The following NRG1 variants were observed in gnomAD, a reference collection of about 807,000 sequenced individuals.
NRG1 encodes the protein neuregulin 1.
In NRG1, 18 loss-of-function variants were observed where a neutral mutation model predicts 63.8. The observed-to-expected ratio is 0.28, with a 90% CI of 0.19 to 0.42. The LOEUF (loss-of-function observed/expected upper bound fraction) is 0.42, where lower values mean the gene tolerates loss of function less well. Ranked by LOEUF, NRG1 falls within the 10% of genes least tolerant of loss-of-function variation. NRG1 has a pLI of 1.00. For missense variants in NRG1, 762 were observed against 814.7 expected (o/e 0.94, Z 0.79); for synonymous variants, 302 against 301.3 (o/e 1.00, Z -0.02).
chr8:32,135,497 C>T (rs745973626), intron 1 of NRG1, among the ~76,000 whole-genome samples: 1 of 151,894 alleles, frequency 6.6e-6, no homozygotes, highest in Non-Finnish European at 1.5e-5. Flanking sequence ...ACTGGCTTAG[C>T]AGGGTGGGCA....
intron 1 of NRG1, among the ~76,000 whole-genome samples, chr8:32,356,780 C>T (rs1486877884): frequency 6.6e-6 from 1 of 152,138 alleles, no homozygotes; most frequent in Non-Finnish European, 1.5e-5. Context: ...CAAGACACAC[C>T]CATTGATCTC....
intron 1 of NRG1, among the ~76,000 whole-genome samples, chr8:32,293,762 C>T (rs1481743288): frequency 7.0e-6 from 1 of 143,706 alleles, no homozygotes; most frequent in African/African-American, 2.6e-5. Flanking sequence ...CTCTGTCGCC[C>T]AGGCTGGAGA....
chr8:31,919,810 T>C (rs908728536), intron 1 of NRG1, among the ~76,000 whole-genome samples: 1 of 152,152 alleles, frequency 6.6e-6, no homozygotes, highest in Non-Finnish European at 1.5e-5. Flanking sequence ...TGTGTGCCCA[T>C]ACATTTATTA....
At chr8:32,081,180 A>C (rs995335) in intron 1 of NRG1, among the ~76,000 whole-genome samples, 9,608 of 152,178 alleles carry the variant, frequency 0.063, 910 homozygotes, top group African/African-American at 0.2. Flanking sequence ...AAGTTGACAC[A>C]CTGAACTGAC....
chr8:32,051,465 G>C lies in NRG1; in HGVS notation c.37+412034G>C, dbSNP rs185725977. Among the ~76,000 whole-genome samples the C allele has an allele frequency of 4.6e-5, 7 of 152,262 alleles. No homozygotes were observed. In the East Asian group the frequency reaches 1.4e-3, roughly 29 times the overall value. ...CTTTGACTATCTGTCATTTCTATGT[G>C]TTACATGCTGTGATACTGATAAAGA... On this transcript the variant is annotated intron_variant, in intron 1 of 10. Coordinates refer to the NRG1 transcript ENST00000519301.
intron 1 of NRG1, among the ~76,000 whole-genome samples, chr8:32,109,137 T>G (rs12056821): frequency 0.24 from 35,775 of 152,124 alleles, 4,825 homozygotes; most frequent in East Asian, 0.51. Flanking sequence ...GCCATGATAA[T>G]AGAAAAGCTT....
At chr8:32,156,632 C>A (rs1259951481) in intron 1 of NRG1, among the ~76,000 whole-genome samples, 1 of 152,194 alleles carries the variant, frequency 6.6e-6, no homozygotes, top group African/African-American at 2.4e-5. Context: ...TGGTTGGAAC[C>A]ATAGAAGGCA....
intron 1 of NRG1, among the ~76,000 whole-genome samples, chr8:31,694,251 C>T (rs916766712): frequency 2.6e-5 from 4 of 152,174 alleles, no homozygotes; most frequent in African/African-American, 4.8e-5. Context: ...CTTGAAGTCT[C>T]TCTATGCTAG....
At chr8:32,627,910 G>A (rs930945000) in intron 5 of NRG1, among the ~76,000 whole-genome samples, 2 of 152,054 alleles carry the variant, frequency 1.3e-5, no homozygotes, top group Admixed American at 6.6e-5. Flanking sequence ...GGGAATTAAG[G>A]TATATTAAAA....
At chr8:32,065,651 T>A (rs144247849) in intron 1 of NRG1, among the ~76,000 whole-genome samples, 3,172 of 152,338 alleles carry the variant, frequency 0.021, 40 homozygotes, top group South Asian at 0.039. Context: ...AACATACCTG[T>A]GCATGGGTCT....
chr8:32,506,129 A>G (rs771794550), intron 1 of NRG1, among the ~76,000 whole-genome samples: 44 of 152,212 alleles, frequency 2.9e-4, no homozygotes, highest in Admixed American at 4.6e-4. Flanking sequence ...GTACATCTGT[A>G]GTCTCAGCTA....
At chr8:32,108,149 T>C (rs188306912) in intron 1 of NRG1, among the ~76,000 whole-genome samples, 3 of 152,292 alleles carry the variant, frequency 2.0e-5, no homozygotes, top group African/African-American at 7.2e-5. Flanking sequence ...AAAGAAGTCC[T>C]CACCCTCATC....
chr8:32,364,957 C>CTTTTGTTTTTT (rs1807748066), intron 1 of NRG1, among the ~76,000 whole-genome samples: 1 of 108,462 alleles, frequency 9.2e-6, no homozygotes, highest in East Asian at 3.1e-4. Context: ...CCCTTTACTA[C>CTTTTGTTTTTT]TTTTTTTTTT....
chr8:32,150,186 GA>G (rs1453832381), intron 1 of NRG1, among the ~76,000 whole-genome samples: 3 of 118,598 alleles, frequency 2.5e-5, no homozygotes, highest in Non-Finnish European at 6.2e-5. Context: ...TTATGTACAT[GA>G]AGGGAAAAAA....
At chr8:32,280,926 AT>A (rs202130542) in intron 1 of NRG1, among the ~76,000 whole-genome samples, 1 of 149,366 alleles carries the variant, frequency 6.7e-6, no homozygotes, top group African/African-American at 2.5e-5. Context: ...TGCTCAGCTA[AT>A]TTTTTGTATT....
intron 1 of NRG1, among the ~76,000 whole-genome samples, chr8:32,284,531 CTTCCTTCCTTCT>C (rs1853291477): frequency 1.3e-5 from 2 of 150,444 alleles, no homozygotes; most frequent in Non-Finnish European, 3.0e-5. Flanking sequence ...TCCTTCCTTC[CTTCCTTCCTTCT>C]TTCTTTCCAC....
At chr8:32,717,150 A>G (rs1216626869) in intron 5 of NRG1, among the ~76,000 whole-genome samples, 1 of 152,144 alleles carries the variant, frequency 6.6e-6, no homozygotes, top group Non-Finnish European at 1.5e-5. Context: ...CTACCTCCCC[A>G]TGGCCTATTT....
chr8:32,496,383 A>T (rs1011333549), intron 1 of NRG1, among the ~76,000 whole-genome samples: 1 of 152,142 alleles, frequency 6.6e-6, no homozygotes, highest in African/African-American at 2.4e-5. Flanking sequence ...GGAGCTGAAA[A>T]CCAGCCTGGG....
rs1250834284 is a variant in NRG1, at chr8:31,640,888, G to C, written c.37+1457G>C. On this transcript the variant is annotated intron_variant, in intron 1 of 10. Transcript: ENST00000519301. This position sits in a 1 kb window ranked among gnomAD's most constrained non-coding sequence, Gnocchi z 6.3. ...GGGTTCTCAGCGATCCTCAGAGAGG[G>C]AGGTTTCGCTTTCTCCAGCTTCCCT... Among the ~76,000 whole-genome samples the C allele has an allele frequency of 6.6e-6, 1 of 152,230 alleles. No homozygotes were observed. The highest frequency in any genetic ancestry group is 1.5e-5 in the Non-Finnish European group (1 of 68,032).
Sources: gnomAD v4.1 joint callset for allele counts (sites outside exome capture counted in the v4.1 genomes callset) on GRCh38, gnomAD v4.1.1 for gene constraint, Gnocchi (gnomAD v3.1) non-coding constraint, MANE v1.5 for transcripts, NCBI Gene and HGNC (gene_info 2026-07-23, HGNC 2026-07-21) for gene names.